The following KALRN variants were observed in gnomAD, a reference collection of about 807,000 sequenced individuals.
KALRN encodes the protein kalirin.
KALRN carries 70 observed loss-of-function variants against 353.7 expected under a neutral mutation model. The observed-to-expected ratio is 0.20, with a 90% confidence interval of 0.16 to 0.24. KALRN has a LOEUF of 0.24. Among genes scored for constraint, KALRN ranks in the 10% least tolerant of loss-of-function variants. The pLI is 1.00. For missense variants in KALRN, 2,791 were observed against 3,756.7 expected, an observed-to-expected ratio of 0.74 and a Z score of 6.72; for synonymous variants, 1,391 against 1,434.8, an observed-to-expected ratio of 0.97 and a Z score of 0.69.
At chr3:124,289,713 T>TA (rs1411486162) in intron 5 of KALRN, among the ~76,000 whole-genome samples, 4 of 152,212 alleles carry the variant, frequency 2.6e-5, no homozygotes, top group Non-Finnish European at 5.9e-5. Flanking sequence ...CTTCATCACT[T>TA]ACAAGCTGTG....
At position 124,326,982 on chromosome 3, in the gene KALRN, G is replaced by C. The variant is rs565112357; in HGVS notation, c.1284+811G>C. Reference sequence around the variant, plus strand: ...TTATGTATTTATTTTTTCTGTGGTGGAAATACCGTACAATTGTGTGCTATG... The same window carrying C: ...TTATGTATTTATTTTTTCTGTGGTGCAAATACCGTACAATTGTGTGCTATG... On this transcript the variant is annotated intron_variant, in intron 7 of 59. Coordinates refer to ENST00000682506, the MANE Select transcript of KALRN (RefSeq NM_001388419.1). Among the ~76,000 whole-genome samples, 21 of 152,196 alleles carry C rather than the reference G, an allele frequency of 1.4e-4. No homozygotes were observed. In the East Asian group the frequency reaches 3.7e-3, roughly 27 times the overall value.
intron 11 of KALRN, among the ~76,000 whole-genome samples, chr3:124,393,388 A>G (rs1186465508): frequency 6.6e-6 from 1 of 152,234 alleles, no homozygotes; most frequent in Non-Finnish European, 1.5e-5. Flanking sequence ...GAAAATATGA[A>G]GTGACATTAA....
At chr3:124,156,759 C>G (rs574906619) in intron 1 of KALRN, among the ~76,000 whole-genome samples, 11 of 152,246 alleles carry the variant, frequency 7.2e-5, no homozygotes, top group Admixed American at 7.2e-4. Flanking sequence ...TTTCCCTGTG[C>G]CCAATGACAA....
intron 1 of KALRN, among the ~76,000 whole-genome samples, chr3:124,199,095 C>T (rs367924187): frequency 1.1e-4 from 17 of 152,370 alleles, no homozygotes; most frequent in African/African-American, 4.1e-4. Context: ...GAAGCCGAGG[C>T]CAGGCTGCCT....
intron 14 of KALRN, among the ~76,000 whole-genome samples, chr3:124,418,586 G>A (rs906035906): frequency 6.6e-6 from 1 of 152,180 alleles, no homozygotes; most frequent in Non-Finnish European, 1.5e-5. Context: ...TTTAAAACAT[G>A]TTACAAGTAT....
At chr3:124,618,466 A>T (rs957916598) in intron 34 of KALRN, among the ~76,000 whole-genome samples, 1 of 152,146 alleles carries the variant, frequency 6.6e-6, no homozygotes, top group African/African-American at 2.4e-5. Context: ...ACAAAACTGG[A>T]AGTTAGCCTT....
At chr3:124,484,534 A>G (rs775433552) in intron 28 of KALRN, among the ~76,000 whole-genome samples, 6 of 152,204 alleles carry the variant, frequency 3.9e-5, no homozygotes, top group Non-Finnish European at 7.4e-5. Context: ...CTGTCCTGAC[A>G]GAACTGCTTT....
At chr3:124,154,502 C>A (rs559783675) in intron 1 of KALRN, among the ~76,000 whole-genome samples, 2 of 152,120 alleles carry the variant, frequency 1.3e-5, no homozygotes, top group African/African-American at 4.8e-5. Context: ...GAGTGAACTC[C>A]CATTCACAAT....
chr3:124,330,286 A>ACACACACACACACC (rs1005282030), intron 8 of KALRN, among the ~76,000 whole-genome samples: 2 of 132,402 alleles, frequency 1.5e-5, no homozygotes, highest in Admixed American at 7.5e-5. Context: ...ACACACACAC[A>ACACACACACACACC]CCCCATACAC....
At chr3:124,253,383 G>C (rs1188380520) in intron 3 of KALRN, among the ~76,000 whole-genome samples, 1 of 152,256 alleles carries the variant, frequency 6.6e-6, no homozygotes, top group Non-Finnish European at 1.5e-5. Context: ...CTGGGAGAAA[G>C]TGTGAAGTGG....
chr3:124,456,764 C>A (rs998849099), intron 23 of KALRN, 36 bp downstream of exon 23: 7 of 1,444,030 alleles, frequency 4.8e-6, no homozygotes, highest in Non-Finnish European at 6.8e-6. Flanking sequence ...GCTGGCTCCC[C>A]GTGACTATGC....
At chr3:124,077,431 A>G (rs1353937274) in intron 1 of KALRN, among the ~76,000 whole-genome samples, 1 of 151,502 alleles carries the variant, frequency 6.6e-6, no homozygotes, top group Non-Finnish European at 1.5e-5. Context: ...CTTCATTCCT[A>G]CTCTTTCCCA....
intron 34 of KALRN, among the ~76,000 whole-genome samples, chr3:124,577,539 A>T (rs1442897234): frequency 6.6e-6 from 1 of 152,224 alleles, no homozygotes; most frequent in African/African-American, 2.4e-5. Flanking sequence ...CTGTTAAAAT[A>T]ACGCATATTA....
In KALRN at chr3:124,237,403, C is replaced by T. The variant is rs188817878; in HGVS notation, c.263+2460C>T. Among the ~76,000 whole-genome samples the T allele has an allele frequency of 1.0e-4, 15 of 150,486 alleles. No individual in the cohort carries two copies. The East Asian group carries it at 3.1e-3, about 31-fold the overall frequency. ...TTTGAGACTGAGTCTCACTCTATCA[C>T]CCAGGCTGGAGTGCAGTGGCACAAT... On this transcript the variant is annotated intron_variant, in intron 3 of 59. Coordinates refer to ENST00000682506, the MANE Select transcript of KALRN (RefSeq NM_001388419.1).
Position 124,661,864 on chromosome 3 carries a change from T to G in KALRN, c.6281T>G (p.Leu2094Ter). 1 of 1,614,038 alleles carries G rather than the reference T, an allele frequency of 6.2e-7. No homozygotes were observed. The highest frequency in any genetic ancestry group is 8.5e-7 in the Non-Finnish European group (1 of 1,179,898). The change falls in exon 45 of 60, where the codon TTA becomes TGA. Residue 2094 changes from leucine to a stop codon, truncating the protein, a stop_gained. Transcript: ENST00000682506. LOFTEE classifies it high-confidence loss of function. ...ECSDIEKAVE[L>*]MCLVPKRCND... is the part of the protein sequence containing the mutation. Reference sequence around the variant, plus strand: ...TCTTTCCCACAGAAAGCAGTGGAGTTAATGTGCCTTGTTCCCAAACGCTGC... The same window carrying G: ...TCTTTCCCACAGAAAGCAGTGGAGTGAATGTGCCTTGTTCCCAAACGCTGC...
At chr3:124,625,429 A>C (rs2079833229) in intron 34 of KALRN, among the ~76,000 whole-genome samples, 1 of 152,198 alleles carries the variant, frequency 6.6e-6, no homozygotes, top group Non-Finnish European at 1.5e-5. Flanking sequence ...ATTTCATAAA[A>C]GTATTGGTCT....
intron 1 of KALRN, among the ~76,000 whole-genome samples, chr3:124,154,738 T>C (rs2068715678): frequency 2.0e-5 from 3 of 152,174 alleles, no homozygotes; most frequent in Non-Finnish European, 2.9e-5. Context: ...AATGACTTTC[T>C]TCACAGAATT....
At chr3:124,583,656 G>A (rs1455778637) in intron 34 of KALRN, among the ~76,000 whole-genome samples, 1 of 152,062 alleles carries the variant, frequency 6.6e-6, no homozygotes, top group Non-Finnish European at 1.5e-5. Flanking sequence ...AGGAGGACTG[G>A]TTCCTCAAAG....
At chr3:124,552,746 C>T (rs1178301766) in intron 33 of KALRN, among the ~76,000 whole-genome samples, 1 of 152,022 alleles carries the variant, frequency 6.6e-6, no homozygotes, top group Admixed American at 6.6e-5. Flanking sequence ...ATTAAGGGTG[C>T]TTTGGAAATT....
Sources: allele counts gnomAD v4.1 joint callset (sites outside exome capture counted in the v4.1 genomes callset), GRCh38; gene constraint gnomAD v4.1.1; transcripts MANE v1.5; gene names NCBI Gene and HGNC (gene_info 2026-07-23, HGNC 2026-07-21).